SNX29: variants seen among roughly 807,000 people sequenced by gnomAD.
SNX29 encodes the protein sorting nexin-29.
Under a neutral mutation model 102.1 loss-of-function variants are expected in SNX29, and 78 were observed. The ratio of observed to expected loss-of-function variants is 0.76; its 90% CI spans 0.64 to 0.92. SNX29 has a LOEUF of 0.92. Ranked by LOEUF, SNX29 falls within the 40% of genes least tolerant of loss-of-function variation. The pLI is 0.00. For missense variants in SNX29, 1,280 were observed against 1,061.7 expected (o/e 1.21, Z -2.86); for synonymous variants, 580 against 414.5 (o/e 1.40, Z -4.85).
intron 14 of SNX29, among the ~76,000 whole-genome samples, chr16:12,223,786 C>T (rs1479302086): frequency 6.6e-6 from 1 of 152,222 alleles, no homozygotes; most frequent in African/African-American, 2.4e-5. Flanking sequence ...GGGACCTTTT[C>T]ATCTGTCATC....
intron 18 of SNX29, among the ~76,000 whole-genome samples, chr16:12,465,509 T>A (rs1377834193): frequency 6.6e-6 from 1 of 152,236 alleles, no homozygotes; most frequent in Non-Finnish European, 1.5e-5. Flanking sequence ...GTGTCACAGA[T>A]TAGTTGACCA....
intron 18 of SNX29, among the ~76,000 whole-genome samples, chr16:12,420,327 G>A (rs745866296): frequency 5.3e-5 from 8 of 152,232 alleles, no homozygotes; most frequent in African/African-American, 1.4e-4. Flanking sequence ...CGAAGACACC[G>A]TCAAGTGTTA....
chr16:12,170,706 G>A (rs1249333901), intron 13 of SNX29, among the ~76,000 whole-genome samples: 1 of 151,918 alleles, frequency 6.6e-6, no homozygotes, highest in East Asian at 1.9e-4. Context: ...CACGGTCCCA[G>A]AGAAGGGGTT....
At chr16:12,188,161 C>T (rs1009200367) in intron 13 of SNX29, among the ~76,000 whole-genome samples, 2 of 152,180 alleles carry the variant, frequency 1.3e-5, no homozygotes, top group African/African-American at 2.4e-5. Context: ...ATGATGATGA[C>T]AATGAATTAC....
chr16:12,242,808 C>G (rs1013996124), intron 14 of SNX29, among the ~76,000 whole-genome samples: 1 of 152,086 alleles, frequency 6.6e-6, no homozygotes, highest in Non-Finnish European at 1.5e-5. Flanking sequence ...AGGTGCCCAC[C>G]ACCACGCCTT....
intron 19 of SNX29, among the ~76,000 whole-genome samples, chr16:12,497,530 A>G (rs1175674767): frequency 1.3e-5 from 2 of 152,232 alleles, no homozygotes; most frequent in Non-Finnish European, 2.9e-5. Flanking sequence ...TTGTGTAACG[A>G]GAGGCTTAGG....
intron 18 of SNX29, among the ~76,000 whole-genome samples, chr16:12,452,110 T>G (rs1346432241): frequency 6.6e-6 from 1 of 152,164 alleles, no homozygotes; most frequent in Non-Finnish European, 1.5e-5. Context: ...CCTGAGGGAT[T>G]ATCATGAGGC....
At chr16:12,061,787 C>G (rs186245704) in intron 9 of SNX29, 141 bp downstream of exon 9, 2 of 674,370 alleles carry the variant, frequency 3.0e-6, no homozygotes, top group Admixed American at 5.3e-5. Context: ...CCAGGGGGAG[C>G]TCACTGAGAT....
At chr16:12,040,814 C>G (rs116909210) in intron 4 of SNX29, among the ~76,000 whole-genome samples, 2 of 152,190 alleles carry the variant, frequency 1.3e-5, no homozygotes, top group Non-Finnish European at 2.9e-5. Flanking sequence ...TGCATATACA[C>G]TCATACAATA....
At chr16:11,982,659 G>C (rs1002611900) in intron 1 of SNX29, among the ~76,000 whole-genome samples, 1 of 152,008 alleles carries the variant, frequency 6.6e-6, no homozygotes, top group African/African-American at 2.4e-5. Flanking sequence ...TCGATCTCCT[G>C]ACCTCGTGAA....
intron 19 of SNX29, among the ~76,000 whole-genome samples, chr16:12,520,458 C>G (rs2090055139): frequency 6.6e-6 from 1 of 152,198 alleles, no homozygotes; most frequent in Non-Finnish European, 1.5e-5. Flanking sequence ...ACCCTTTGTG[C>G]AAGTTCCTCA....
intron 18 of SNX29, among the ~76,000 whole-genome samples, chr16:12,449,416 G>A (rs370723239): frequency 8.6e-5 from 13 of 152,034 alleles, no homozygotes; most frequent in African/African-American, 2.7e-4. Flanking sequence ...GGAGTGAGCT[G>A]GTTTAGGTGG....
At chr16:12,433,735 T>A (rs1250127659) in intron 18 of SNX29, among the ~76,000 whole-genome samples, 2 of 150,962 alleles carry the variant, frequency 1.3e-5, no homozygotes, top group East Asian at 3.9e-4. Flanking sequence ...GAGACACAAG[T>A]ATCGCTTGAA....
At chr16:12,507,911 T>C (rs1374197457) in intron 19 of SNX29, among the ~76,000 whole-genome samples, 1 of 152,140 alleles carries the variant, frequency 6.6e-6, no homozygotes, top group Non-Finnish European at 1.5e-5. Flanking sequence ...AGTCAAGGGC[T>C]TTTAATTGAA....
At chr16:12,523,298 G>C (rs147918448) in intron 19 of SNX29, among the ~76,000 whole-genome samples, 174 of 152,348 alleles carry the variant, frequency 1.1e-3, no homozygotes, top group African/African-American at 4.0e-3. Context: ...GCAGACAGCA[G>C]TTTCCTCATC....
intron 20 of SNX29, among the ~76,000 whole-genome samples, chr16:12,564,720 A>G (rs1361036320): frequency 1.3e-5 from 2 of 152,054 alleles, no homozygotes; most frequent in African/African-American, 2.4e-5. Flanking sequence ...CCACTTTGTT[A>G]TAAAAATGCA....
At chr16:12,310,539 G>T (rs1037190966) in intron 15 of SNX29, among the ~76,000 whole-genome samples, 1 of 152,116 alleles carries the variant, frequency 6.6e-6, no homozygotes, top group Non-Finnish European at 1.5e-5. Flanking sequence ...AGACCATAAG[G>T]AGCATATGCT....
At chr16:12,156,780 G>A (rs961181158) in intron 13 of SNX29, among the ~76,000 whole-genome samples, 6 of 152,324 alleles carry the variant, frequency 3.9e-5, no homozygotes, top group East Asian at 1.9e-4. Context: ...TTTATCCAAC[G>A]TCAGGAGAAT....
intron 18 of SNX29, among the ~76,000 whole-genome samples, chr16:12,406,112 TAAA>T (rs1420013014): frequency 1.3e-5 from 2 of 151,182 alleles, no homozygotes; most frequent in Non-Finnish European, 3.0e-5. Context: ...AAAAGAATGA[TAAA>T]AGAGAGGTTA....
Sources: gnomAD v4.1 joint callset for allele counts (sites outside exome capture counted in the v4.1 genomes callset) on GRCh38, gnomAD v4.1.1 for gene constraint, MANE v1.5 for transcripts, NCBI Gene and HGNC (gene_info 2026-07-23, HGNC 2026-07-21) for gene names.